Variants in ABL1 observed in about 807,000 individuals in gnomAD.
ABL1 encodes the protein tyrosine-protein kinase ABL1.
Under a neutral mutation model 94.7 loss-of-function variants are expected in ABL1, and 11 were observed. That is an observed-to-expected ratio of 0.12 (90% CI 0.07 to 0.19). The LOEUF (loss-of-function observed/expected upper bound fraction) is 0.19. ABL1 is among the 10% of genes least tolerant of loss of function. ABL1 has a pLI of 1.00. For synonymous variants in ABL1, 656 were observed against 622.4 expected, an observed-to-expected ratio of 1.05 and a Z score of -0.80; for missense variants, 1,082 against 1,489.4, an observed-to-expected ratio of 0.73 and a Z score of 4.50.
At position 130,746,107 on chromosome 9, in the gene ABL1, G is replaced by A. The variant is rs1469415781; in HGVS notation, c.136+31652G>A. On this transcript the variant is annotated intron_variant, in intron 1 of 10. Transcript: ENST00000372348. ...CTGCTCACTTACTAACAGTATGACC[G>A]CAGACACCAGCAAAACGTCCCACTG... Among the ~76,000 whole-genome samples, 10 of 152,204 alleles carry A rather than the reference G, an allele frequency of 6.6e-5. 1 individual carries two copies. Among genetic ancestry groups the A allele is most frequent in the Non-Finnish European group, 1.5e-5 (1 of 68,024 alleles).
intron 1 of ABL1, among the ~76,000 whole-genome samples, chr9:130,739,186 G>C (rs987606163): frequency 6.6e-6 from 1 of 152,160 alleles, no homozygotes; most frequent in East Asian, 1.9e-4. Flanking sequence ...GAAACACTGT[G>C]CCTGGCCCGA....
intron 1 of ABL1, among the ~76,000 whole-genome samples, chr9:130,763,203 A>G (rs1383382188): frequency 6.7e-6 from 1 of 149,716 alleles, no homozygotes; most frequent in African/African-American, 2.5e-5. Context: ...TTCAGGTTCT[A>G]GTTCAAATTG....
upstream of ABL1, among the ~76,000 whole-genome samples, chr9:130,832,379 C>T (rs528646845): frequency 3.4e-4 from 52 of 151,830 alleles, no homozygotes; most frequent in Admixed American, 9.8e-4. Context: ...TTATTTTCTC[C>T]TAAGACATGT....
intron 1 of ABL1, among the ~76,000 whole-genome samples, chr9:130,772,807 G>A (rs1832268307): frequency 6.6e-6 from 1 of 152,244 alleles, no homozygotes; most frequent in African/African-American, 2.4e-5. Context: ...CGAGGATTTT[G>A]ACTGAGATGG....
At chr9:130,763,181 T>C (rs1832138421) in intron 1 of ABL1, among the ~76,000 whole-genome samples, 1 of 151,400 alleles carries the variant, frequency 6.6e-6, no homozygotes. Context: ...AATTGCTTTT[T>C]TTTTTTTTCA....
At chr9:130,731,428 G>T (rs192724576) in intron 1 of ABL1, among the ~76,000 whole-genome samples, 1 of 152,192 alleles carries the variant, frequency 6.6e-6, no homozygotes, top group Admixed American at 6.5e-5. Flanking sequence ...CTACCCTAAG[G>T]TCACAAAGAA....
At chr9:130,763,509 C>G (rs545828860) in intron 1 of ABL1, among the ~76,000 whole-genome samples, 1 of 152,112 alleles carries the variant, frequency 6.6e-6, no homozygotes, top group Non-Finnish European at 1.5e-5. Context: ...AGCTTGTGGT[C>G]TCTCATGAGA....
intron 1 of ABL1, among the ~76,000 whole-genome samples, chr9:130,761,704 C>G (rs1390779381): frequency 6.6e-6 from 1 of 152,184 alleles, no homozygotes; most frequent in Non-Finnish European, 1.5e-5. Context: ...TAATTTGAAT[C>G]TTCATTTAGT....
chr9:130,839,437 C>T (rs889741889), intron 1 of ABL1, among the ~76,000 whole-genome samples: 3 of 152,156 alleles, frequency 2.0e-5, no homozygotes, highest in Non-Finnish European at 4.4e-5. Flanking sequence ...CTTTCTGTTA[C>T]CTAATAAAAG....
intron 10 of ABL1, among the ~76,000 whole-genome samples, chr9:130,881,532 C>T (rs1257457980): frequency 1.3e-5 from 2 of 152,188 alleles, no homozygotes; most frequent in Admixed American, 6.5e-5. Context: ...TTTATAAAAC[C>T]ATCAGATCTC....
chr9:130,864,075 G>T (rs1831117591), intron 4 of ABL1, among the ~76,000 whole-genome samples: 1 of 152,164 alleles, frequency 6.6e-6, no homozygotes, highest in Admixed American at 6.5e-5. Flanking sequence ...TTTCTGACTG[G>T]TATGAAGTGG....
At chr9:130,853,401 C>T (rs1830911524) in intron 1 of ABL1, among the ~76,000 whole-genome samples, 1 of 150,224 alleles carries the variant, frequency 6.7e-6, no homozygotes, top group Admixed American at 6.6e-5. Flanking sequence ...GTCTTGAACT[C>T]CTGACCTCAT....
chr9:130,762,366 A>G (rs956196655), intron 1 of ABL1, among the ~76,000 whole-genome samples: 2 of 152,174 alleles, frequency 1.3e-5, no homozygotes, highest in African/African-American at 4.8e-5. Context: ...AATATAAAAC[A>G]TGGTAATTTT....
At chr9:130,750,297 A>G (rs75527693) in intron 1 of ABL1, among the ~76,000 whole-genome samples, 2,104 of 143,424 alleles carry the variant, frequency 0.015, 54 homozygotes, top group African/African-American at 0.05. Context: ...TGGATTTTTC[A>G]GTTTATTTCT....
intron 1 of ABL1, among the ~76,000 whole-genome samples, chr9:130,716,768 G>A (rs549109027): frequency 1.3e-4 from 20 of 151,442 alleles, no homozygotes; most frequent in East Asian, 5.8e-4. Context: ...TTTCCTCTTC[G>A]GGGTAGAGTT....
intron 1 of ABL1, among the ~76,000 whole-genome samples, chr9:130,748,796 C>T (rs1268084425): frequency 9.2e-5 from 14 of 152,210 alleles, no homozygotes; most frequent in African/African-American, 3.4e-4. Context: ...AGGCTGGTCT[C>T]GAACTCCTGA....
chr9:130,855,152 C>G (rs1310843712), intron 3 of ABL1, 56 bp downstream of exon 3: 20 of 1,529,722 alleles, frequency 1.3e-5, no homozygotes, highest in Non-Finnish European at 1.8e-5. Context: ...AACCAGAGGT[C>G]CTGCTGTCGG....
intron 1 of ABL1, among the ~76,000 whole-genome samples, chr9:130,755,810 G>A (rs1310744380): frequency 6.6e-6 from 1 of 152,160 alleles, no homozygotes; most frequent in Non-Finnish European, 1.5e-5. Flanking sequence ...GCTCTTCCTG[G>A]CCTCCAGAGA....
intron 1 of ABL1, among the ~76,000 whole-genome samples, chr9:130,799,873 C>CA (rs1198387110): frequency 6.8e-6 from 1 of 147,452 alleles, no homozygotes; most frequent in Non-Finnish European, 1.5e-5. Flanking sequence ...GATATTTATA[C>CA]TTTTTTTTTT....
Sources: gnomAD v4.1 joint callset for allele counts (sites outside exome capture counted in the v4.1 genomes callset) on GRCh38, gnomAD v4.1.1 for gene constraint, MANE v1.5 for transcripts, NCBI Gene and HGNC (gene_info 2026-07-23, HGNC 2026-07-21) for gene names.